TAOK3: variants seen among roughly 807,000 people sequenced by gnomAD.
The protein encoded by TAOK3 is serine/threonine-protein kinase TAO3.
TAOK3 carries 40 observed loss-of-function variants against 120.4 expected under a neutral mutation model. The observed-to-expected ratio is 0.33, with a 90% CI of 0.26 to 0.43. The LOEUF (loss-of-function observed/expected upper bound fraction) is 0.43, where lower values mean the gene tolerates loss of function less well. Among genes scored for constraint, TAOK3 ranks in the 20% least tolerant of loss-of-function variants. TAOK3 has a pLI of 1.00. For missense variants in TAOK3, 821 were observed against 1,112.1 expected (o/e 0.74, Z 3.72); for synonymous variants, 355 against 387.5 (o/e 0.92, Z 0.99).
intron 1 of TAOK3, among the ~76,000 whole-genome samples, chr12:118,323,474 A>G (rs531111360): frequency 3.2e-4 from 49 of 152,286 alleles, no homozygotes; most frequent in African/African-American, 1.1e-3. Flanking sequence ...AATATGGGGG[A>G]ATATTTTTAG....
chr12:118,179,916 G>T (rs112462235), intron 15 of TAOK3, among the ~76,000 whole-genome samples: 14,756 of 147,188 alleles, frequency 0.1, 872 homozygotes, highest in Non-Finnish European at 0.14. Flanking sequence ...AAAGTGCTGG[G>T]ATTACAGGCA....
At chr12:118,278,068 C>T (rs1318167123) in intron 1 of TAOK3, among the ~76,000 whole-genome samples, 2 of 151,972 alleles carry the variant, frequency 1.3e-5, no homozygotes, top group Non-Finnish European at 2.9e-5. Flanking sequence ...GTCAAACCTG[C>T]CCCCACCCCA....
intron 17 of TAOK3, among the ~76,000 whole-genome samples, chr12:118,168,755 A>G (rs2138575116): frequency 6.6e-6 from 1 of 152,298 alleles, no homozygotes; most frequent in South Asian, 2.1e-4. Flanking sequence ...TTTAGGGAGT[A>G]ATTATCTTCT....
chr12:118,330,242 C>G (rs2044086761), intron 1 of TAOK3, among the ~76,000 whole-genome samples: 1 of 152,158 alleles, frequency 6.6e-6, no homozygotes, highest in African/African-American at 2.4e-5. Context: ...ACATTCAAGT[C>G]TATAAATAAA....
chr12:118,189,669 A>C (rs1174327406), intron 14 of TAOK3, 138 bp downstream of exon 14: 42 of 1,115,982 alleles, frequency 3.8e-5, no homozygotes, highest in Non-Finnish European at 5.3e-5. Flanking sequence ...AAAATGAATA[A>C]AATTATTAGG....
At chr12:118,303,358 A>C (rs1248570578) in intron 1 of TAOK3, among the ~76,000 whole-genome samples, 1 of 152,052 alleles carries the variant, frequency 6.6e-6, no homozygotes, top group East Asian at 1.9e-4. Flanking sequence ...CAGGATTTTC[A>C]ATCTGTTTTG....
At chr12:118,215,507 G>T (rs1335383351) in intron 9 of TAOK3, among the ~76,000 whole-genome samples, 1 of 151,694 alleles carries the variant, frequency 6.6e-6, no homozygotes, top group Non-Finnish European at 1.5e-5. Flanking sequence ...GTGAGACTCT[G>T]TCTCAAAAGA....
At chr12:118,243,558 T>C (rs369496400) in intron 4 of TAOK3, 42 bp from the exon 5 acceptor site, 2 of 804,492 alleles carry the variant, frequency 2.5e-6, no homozygotes, top group African/African-American at 1.8e-5. Context: ...TAATTTTTGA[T>C]AGGAAAATAG....
At chr12:118,214,961 T>G (rs1381229491) in intron 9 of TAOK3, among the ~76,000 whole-genome samples, 2 of 151,584 alleles carry the variant, frequency 1.3e-5, no homozygotes, top group African/African-American at 4.8e-5. Flanking sequence ...GTCAGGCTGG[T>G]CTTGAACTCC....
intron 5 of TAOK3, among the ~76,000 whole-genome samples, chr12:118,239,721 A>T (rs1329768775): frequency 6.6e-6 from 1 of 152,288 alleles, no homozygotes; most frequent in East Asian, 1.9e-4. Flanking sequence ...TTTTTTTCAC[A>T]CTTTAAAAAG....
intron 1 of TAOK3, among the ~76,000 whole-genome samples, chr12:118,369,450 CACTT>C (rs2045838972): frequency 6.6e-6 from 1 of 152,138 alleles, no homozygotes; most frequent in South Asian, 2.1e-4. Context: ...CTTTAGTAAT[CACTT>C]AGGGGAGTAT....
intron 4 of TAOK3, among the ~76,000 whole-genome samples, chr12:118,244,623 G>A (rs1248359469): frequency 6.7e-5 from 10 of 149,656 alleles, no homozygotes; most frequent in Non-Finnish European, 8.9e-5. Flanking sequence ...CCGCCTCCCG[G>A]GTTCACGCCA....
intron 15 of TAOK3, among the ~76,000 whole-genome samples, chr12:118,180,501 A>G (rs2036644957): frequency 6.6e-6 from 1 of 152,170 alleles, no homozygotes; most frequent in African/African-American, 2.4e-5. Flanking sequence ...TTGGCCTCCC[A>G]AAGTGCTGGG....
At chr12:118,351,015 C>T (rs944722210) in intron 1 of TAOK3, among the ~76,000 whole-genome samples, 2 of 150,810 alleles carry the variant, frequency 1.3e-5, no homozygotes, top group African/African-American at 4.9e-5. Flanking sequence ...CCCATCTCTA[C>T]AAAAAATACA....
At chr12:118,228,132 T>C (rs2039595060) in intron 9 of TAOK3, among the ~76,000 whole-genome samples, 1 of 151,888 alleles carries the variant, frequency 6.6e-6, no homozygotes, top group African/African-American at 2.4e-5. Flanking sequence ...TGTATTCTTA[T>C]GTTTTATTAG....
chr12:118,264,116 C>A (rs1355158364), intron 2 of TAOK3, among the ~76,000 whole-genome samples: 1 of 152,192 alleles, frequency 6.6e-6, no homozygotes, highest in Non-Finnish European at 1.5e-5. Context: ...GTGACTGTAT[C>A]TTTCATACAC....
At chr12:118,257,977 A>C (rs1413757571) in intron 2 of TAOK3, among the ~76,000 whole-genome samples, 1 of 152,180 alleles carries the variant, frequency 6.6e-6, no homozygotes, top group Non-Finnish European at 1.5e-5. Context: ...ACAAATGATA[A>C]AGTGGTTTTA....
At chr12:118,268,447 T>C (rs550730790) in intron 1 of TAOK3, among the ~76,000 whole-genome samples, 1 of 152,212 alleles carries the variant, frequency 6.6e-6, no homozygotes, top group Non-Finnish European at 1.5e-5. Flanking sequence ...GCTGAGAATA[T>C]CCCACTCTTG....
chr12:118,181,317 ACC>A, intron 15 of TAOK3, 52 bp downstream of exon 15: 1 of 1,455,184 alleles, frequency 6.9e-7, no homozygotes, highest in African/African-American at 1.4e-5. Context: ...CCTGCCACTG[ACC>A]CCAACAGGCT....
Sources: allele counts gnomAD v4.1 joint callset (sites outside exome capture counted in the v4.1 genomes callset), GRCh38; gene constraint gnomAD v4.1.1; transcripts MANE v1.5; gene names NCBI Gene and HGNC (gene_info 2026-07-23, HGNC 2026-07-21).